NRXN3: variants seen among roughly 807,000 people sequenced by gnomAD.
NRXN3 encodes the protein neurexin III.
A neutral mutation model predicts 137.6 loss-of-function variants in NRXN3; 32 were observed. That is an observed-to-expected ratio of 0.23 (90% CI 0.18 to 0.31). The LOEUF (loss-of-function observed/expected upper bound fraction) is 0.31. Ranked by LOEUF, NRXN3 falls within the 10% of genes least tolerant of loss-of-function variation. NRXN3 has a pLI of 1.00. For missense variants in NRXN3, 1,574 were observed against 2,062.5 expected, an observed-to-expected ratio of 0.76 and a Z score of 4.59; for synonymous variants, 798 against 784.5, an observed-to-expected ratio of 1.02 and a Z score of -0.29.
At chr14:79,223,057 G>T (rs368406777) in intron 15 of NRXN3, among the ~76,000 whole-genome samples, 41 of 152,086 alleles carry the variant, frequency 2.7e-4, no homozygotes, top group Non-Finnish European at 5.1e-4. Context: ...CTTAATTAGA[G>T]ATTATCTTCT....
At chr14:79,068,053 T>C (rs1051475186) in intron 15 of NRXN3, among the ~76,000 whole-genome samples, 7 of 152,076 alleles carry the variant, frequency 4.6e-5, no homozygotes, top group African/African-American at 1.4e-4. Flanking sequence ...TAGATATATT[T>C]TTTCCCCTTA....
intron 16 of NRXN3, among the ~76,000 whole-genome samples, chr14:79,646,653 C>A (rs1177477225): frequency 7.4e-6 from 1 of 135,068 alleles, no homozygotes; most frequent in Non-Finnish European, 1.7e-5. Flanking sequence ...CTTTTCAGAT[C>A]CTCTTAAAAG....
At chr14:79,711,730 G>T (rs1242113772) in intron 19 of NRXN3, among the ~76,000 whole-genome samples, 4 of 152,188 alleles carry the variant, frequency 2.6e-5, no homozygotes, top group Non-Finnish European at 4.4e-5. Context: ...AATCCTTCAC[G>T]AAGAACTGCC....
intron 6 of NRXN3, among the ~76,000 whole-genome samples, chr14:78,673,177 A>G (rs548845009): frequency 1.3e-5 from 2 of 152,322 alleles, no homozygotes; most frequent in Admixed American, 6.5e-5. Flanking sequence ...TCATAAATTA[A>G]TAGGTCCAGG....
chr14:78,851,082 T>C (rs1345381341), intron 10 of NRXN3, among the ~76,000 whole-genome samples: 1 of 152,206 alleles, frequency 6.6e-6, no homozygotes, highest in Non-Finnish European at 1.5e-5. Context: ...AGGAGAAATA[T>C]GAAGTAGGAA....
intron 15 of NRXN3, among the ~76,000 whole-genome samples, chr14:79,428,999 T>C (rs1268372539): frequency 6.6e-6 from 1 of 152,222 alleles, no homozygotes; most frequent in African/African-American, 2.4e-5. Flanking sequence ...TGTTTTTAAG[T>C]GATCTCTGGG....
chr14:78,338,428 G>T (rs945444948), intron 4 of NRXN3, among the ~76,000 whole-genome samples: 2 of 152,154 alleles, frequency 1.3e-5, no homozygotes, highest in Admixed American at 1.3e-4. Flanking sequence ...GAGCCCCTTT[G>T]GGCCTGTGTT....
chr14:79,819,143 GC>G (rs1432826166), intron 20 of NRXN3, among the ~76,000 whole-genome samples: 1 of 152,124 alleles, frequency 6.6e-6, no homozygotes, highest in African/African-American at 2.4e-5. Flanking sequence ...TTCTGTAAGG[GC>G]TGGGGTGTAA....
intron 14 of NRXN3, among the ~76,000 whole-genome samples, chr14:78,973,726 T>C (rs1411312014): frequency 6.6e-6 from 1 of 152,188 alleles, no homozygotes; most frequent in African/African-American, 2.4e-5. Flanking sequence ...GCCATGCTGC[T>C]ATGTCTCAGA....
intron 16 of NRXN3, among the ~76,000 whole-genome samples, chr14:79,576,207 A>T (rs887058108): frequency 4.6e-5 from 7 of 152,280 alleles, no homozygotes; most frequent in African/African-American, 1.7e-4. Context: ...TTATTCACAC[A>T]TTCTCCCTTC....
chr14:78,777,421 G>T (rs541045751), intron 8 of NRXN3, among the ~76,000 whole-genome samples: 1 of 152,212 alleles, frequency 6.6e-6, no homozygotes, highest in South Asian at 2.1e-4. Context: ...TTCCCATGTG[G>T]TGGGTCCATC....
intron 15 of NRXN3, among the ~76,000 whole-genome samples, chr14:78,994,063 C>G (rs2099524791): frequency 6.6e-6 from 1 of 151,640 alleles, no homozygotes. Context: ...ACCTTGTTGG[C>G]CAGGCTGGTC....
Position 78,709,437 on chromosome 14 carries a change from A to T in NRXN3, c.1442A>T (p.Asn481Ile), listed in dbSNP as rs144756457. 1 of 1,614,034 alleles carries T rather than the reference A, an allele frequency of 6.2e-7. No individual in the cohort carries two copies. The highest frequency in any genetic ancestry group is 1.3e-5 in the African/African-American group (1 of 74,922). The change falls in exon 7 of 21, where the codon AAT becomes ATT. Residue 481 changes from asparagine (N) to isoleucine (I), a missense_variant. Around this residue, in one of 5 missense-constraint regions of NRXN3, gnomAD observed 718 missense variants for 887.6 expected, o/e 0.81. Transcript: ENST00000335750. The stretch of plus-strand genomic sequence containing the variant: ...TTTGACTTCCGCACCACAGAGCCCA[A>T]TGGCCTGATCCTCTTCACTCATGGA... Reference protein sequence around the residue: ...ISFDFRTTEPNGLILFTHGKP... With the variant: ...ISFDFRTTEPIGLILFTHGKP...
chr14:79,085,526 A>G (rs1212516940), intron 15 of NRXN3, among the ~76,000 whole-genome samples: 1 of 152,180 alleles, frequency 6.6e-6, no homozygotes, highest in Non-Finnish European at 1.5e-5. Flanking sequence ...TGTTAATGGG[A>G]AAATGGTCTT....
chr14:78,585,674 C>T lies in NRXN3; in HGVS notation c.758-59446C>T, dbSNP rs148165428. Among the ~76,000 whole-genome samples the T allele has an allele frequency of 3.5e-3, 531 of 151,954 alleles. 6 individuals carry two copies. The highest frequency in any genetic ancestry group is 0.024 in the South Asian group (116 of 4,790). On this transcript the variant is annotated intron_variant, in intron 4 of 20. Coordinates refer to ENST00000335750, the MANE Select transcript of NRXN3 (RefSeq NM_001330195.2). ...CTGGGGTATGAGAGGAAGGGAGGGG[C>T]CAGGGTGACACCAAGCATGTGATTA...
intron 4 of NRXN3, among the ~76,000 whole-genome samples, chr14:78,421,201 T>C (rs142530076): frequency 0.083 from 12,491 of 150,764 alleles, 727 homozygotes; most frequent in East Asian, 0.35. Context: ...AGGCGGAGCT[T>C]GCAGTGAGCC....
At chr14:78,431,981 A>G (rs2093897517) in intron 4 of NRXN3, among the ~76,000 whole-genome samples, 1 of 152,192 alleles carries the variant, frequency 6.6e-6, no homozygotes, top group South Asian at 2.1e-4. Context: ...TTCCGTGGCC[A>G]GGATTTTAAC....
At chr14:79,780,535 G>A (rs143801931) in intron 19 of NRXN3, among the ~76,000 whole-genome samples, 2,147 of 152,194 alleles carry the variant, frequency 0.014, 55 homozygotes, top group African/African-American at 0.049. Flanking sequence ...TGTGAACCCG[G>A]GAGGCGGAGC....
intron 4 of NRXN3, among the ~76,000 whole-genome samples, chr14:78,305,008 T>G (rs982865166): frequency 2.6e-5 from 4 of 152,232 alleles, no homozygotes; most frequent in Non-Finnish European, 5.9e-5. Context: ...TTTTGACCTT[T>G]GGCTTGAGAA....
Sources: gnomAD v4.1 joint callset for allele counts (sites outside exome capture counted in the v4.1 genomes callset) on GRCh38, gnomAD v4.1.1 for gene constraint, gnomAD v4.1.1 regional missense constraint, MANE v1.5 for transcripts, NCBI Gene and HGNC (gene_info 2026-07-23, HGNC 2026-07-21) for gene names.